Variants in CCDC148 observed in about 807,000 individuals in gnomAD.
The protein encoded by CCDC148 is coiled-coil domain-containing protein 148.
A neutral mutation model predicts 85.7 loss-of-function variants in CCDC148; 89 were observed. The ratio of observed to expected loss-of-function variants is 1.04; its 90% CI spans 0.87 to 1.24. The LOEUF (loss-of-function observed/expected upper bound fraction) is 1.24, where lower values mean the gene tolerates loss of function less well. CCDC148 is among the 50% of genes most tolerant of loss of function. CCDC148 has a pLI of 0.00. For synonymous variants in CCDC148, 230 were observed against 213.9 expected, an observed-to-expected ratio of 1.08 and a Z score of -0.66; for missense variants, 692 against 671.7, an observed-to-expected ratio of 1.03 and a Z score of -0.33.
At chr2:158,357,504 A>G (rs1278064702) in intron 2 of CCDC148, among the ~76,000 whole-genome samples, 1 of 152,198 alleles carries the variant, frequency 6.6e-6, no homozygotes, top group African/African-American at 2.4e-5. Flanking sequence ...TGTGTACAAT[A>G]AACAGAAGTC....
chr2:158,241,066 AACAAAGGC>A (rs1330768819), intron 10 of CCDC148, among the ~76,000 whole-genome samples: 3 of 152,144 alleles, frequency 2.0e-5, no homozygotes, highest in Non-Finnish European at 2.9e-5. Context: ...CATGGATGAG[AACAAAGGC>A]ACTCTCCTAA....
chr2:158,438,109 A>G (rs1161643278), intron 1 of CCDC148, among the ~76,000 whole-genome samples: 1 of 152,318 alleles, frequency 6.6e-6, no homozygotes, highest in South Asian at 2.1e-4. Context: ...TTCTTCACAG[A>G]ATTGGAAAAA....
rs1280801751 is a variant in CCDC148 at position 158,355,852 on chromosome 2, A to G, written c.147+2597T>C. 4.5e-5 allele frequency among the ~76,000 whole-genome samples: 6 copies of G among 134,820 alleles called. No individual in the cohort carries two copies. The South Asian group carries it at 1.4e-3, about 31-fold the overall frequency. The allele number at this position is 134,820 out of a possible 152,430, so 88.4% of individuals were successfully genotyped here. A position where few individuals can be genotyped will look rare whatever the true frequency, so the allele number is the denominator to read the frequency against. ...CTATACTACAAGGCTACAGTAACCA[A>G]AACAGCATGGTACTGGTACCAAAAC... On this transcript the variant is annotated intron_variant, in intron 2 of 13. Coordinates refer to ENST00000283233, the MANE Select transcript of CCDC148 (RefSeq NM_138803.4).
At chr2:158,284,665 C>G (rs372319027) in intron 9 of CCDC148, among the ~76,000 whole-genome samples, 1 of 152,090 alleles carries the variant, frequency 6.6e-6, no homozygotes, top group Admixed American at 6.5e-5. Context: ...TTCAGGAATA[C>G]GGCAGAAGGA....
intron 10 of CCDC148, among the ~76,000 whole-genome samples, chr2:158,234,240 A>G (rs1687993461): frequency 6.6e-6 from 1 of 152,144 alleles, no homozygotes; most frequent in Non-Finnish European, 1.5e-5. Flanking sequence ...AGATGGAAAA[A>G]CTCTCTACAT....
At chr2:158,275,240 A>C (rs1333635593) in intron 9 of CCDC148, among the ~76,000 whole-genome samples, 1 of 152,200 alleles carries the variant, frequency 6.6e-6, no homozygotes, top group Admixed American at 6.5e-5. Flanking sequence ...CTGGCTAGCC[A>C]ATTTTCTGTG....
At chr2:158,231,571 T>C (rs1054169755) in intron 10 of CCDC148, among the ~76,000 whole-genome samples, 11 of 152,156 alleles carry the variant, frequency 7.2e-5, no homozygotes, top group East Asian at 3.9e-4. Flanking sequence ...AGTTTTAGCA[T>C]TGCCTTCTCA....
intron 7 of CCDC148, among the ~76,000 whole-genome samples, chr2:158,326,877 AAT>A (rs1019782455): frequency 4.6e-4 from 70 of 152,246 alleles, no homozygotes; most frequent in African/African-American, 1.6e-3. Context: ...AATATATAAA[AAT>A]ATATATGTTT....
chr2:158,427,490 T>C (rs1283187494), intron 1 of CCDC148, among the ~76,000 whole-genome samples: 1 of 152,130 alleles, frequency 6.6e-6, no homozygotes, highest in Non-Finnish European at 1.5e-5. Context: ...ATATTATAAA[T>C]AGGAGTTAAC....
chr2:158,180,115 A>C (rs1245953380), intron 11 of CCDC148, among the ~76,000 whole-genome samples: 41 of 152,116 alleles, frequency 2.7e-4, no homozygotes, highest in Admixed American at 2.7e-3. Flanking sequence ...GCCTTTCATC[A>C]TTGAAAGATT....
intron 11 of CCDC148, among the ~76,000 whole-genome samples, chr2:158,181,373 C>A (rs1321941505): frequency 6.6e-6 from 1 of 152,106 alleles, no homozygotes; most frequent in Non-Finnish European, 1.5e-5. Flanking sequence ...ATTTGTTGAG[C>A]ACCTGCCATG....
intron 1 of CCDC148, among the ~76,000 whole-genome samples, chr2:158,451,470 C>A (rs1425486937): frequency 6.6e-6 from 1 of 152,118 alleles, no homozygotes; most frequent in Non-Finnish European, 1.5e-5. Context: ...CATTGTATAA[C>A]TACTGATGTC....
intron 11 of CCDC148, among the ~76,000 whole-genome samples, chr2:158,206,938 T>C (rs1276499937): frequency 1.3e-5 from 2 of 152,230 alleles, no homozygotes; most frequent in Non-Finnish European, 1.5e-5. Flanking sequence ...TGCTCAACCA[T>C]GTCAGTTGCT....
intron 1 of CCDC148, among the ~76,000 whole-genome samples, chr2:158,443,518 A>AGAAAAGAAAAGAAC (rs1268469579): frequency 2.0e-5 from 3 of 148,962 alleles, no homozygotes; most frequent in African/African-American, 7.3e-5. Context: ...AAAAAAAAAA[A>AGAAAAGAAAAGAAC]AAAAAGAAAA....
intron 7 of CCDC148, among the ~76,000 whole-genome samples, chr2:158,328,007 C>T (rs1692871779): frequency 6.6e-6 from 1 of 151,716 alleles, no homozygotes; most frequent in Admixed American, 6.6e-5. Context: ...AGCCATCTTA[C>T]TAAATTATCT....
At chr2:158,406,554 GGTAA>G (rs1686006605) in intron 1 of CCDC148, among the ~76,000 whole-genome samples, 1 of 150,596 alleles carries the variant, frequency 6.6e-6, no homozygotes, top group Admixed American at 6.6e-5. Flanking sequence ...ATACACTTTC[GGTAA>G]GTAATTTTAA....
At chr2:158,332,970 T>C (rs2105234609) in intron 7 of CCDC148, among the ~76,000 whole-genome samples, 1 of 152,200 alleles carries the variant, frequency 6.6e-6, no homozygotes, top group African/African-American at 2.4e-5. Context: ...GTTAATCTTT[T>C]CAAAAAAAGC....
intron 11 of CCDC148, among the ~76,000 whole-genome samples, chr2:158,197,241 C>A (rs1381518582): frequency 6.6e-6 from 1 of 152,092 alleles, no homozygotes; most frequent in Non-Finnish European, 1.5e-5. Flanking sequence ...AGAAAATTAT[C>A]TGAAGGTTTT....
intron 7 of CCDC148, among the ~76,000 whole-genome samples, chr2:158,335,212 T>A (rs1200023231): frequency 2.6e-5 from 4 of 152,176 alleles, no homozygotes; most frequent in Admixed American, 2.6e-4. Context: ...ACGTCAGCCA[T>A]GTGCTTTCTT....
Sources: allele counts gnomAD v4.1 joint callset (sites outside exome capture counted in the v4.1 genomes callset), GRCh38; gene constraint gnomAD v4.1.1; transcripts MANE v1.5; gene names NCBI Gene and HGNC (gene_info 2026-07-23, HGNC 2026-07-21).